The following LARGE1 variants were observed in gnomAD, a reference collection of about 807,000 sequenced individuals.
LARGE1 encodes the protein xylosyl- and glucuronyltransferase LARGE1.
A neutral mutation model predicts 87.6 loss-of-function variants in LARGE1; 43 were observed. That is an observed-to-expected ratio of 0.49 (90% CI 0.38 to 0.63). LARGE1 has a LOEUF of 0.63. LARGE1 is among the 30% of genes least tolerant of loss of function. LARGE1 has a pLI of 0.00. For missense variants in LARGE1, 802 were observed against 1,000.2 expected (o/e 0.80, Z 2.67); for synonymous variants, 434 against 394.6 (o/e 1.10, Z -1.18).
intron 1 of LARGE1, among the ~76,000 whole-genome samples, chr22:33,782,811 GCCAACAT>G (rs2085465951): frequency 6.7e-6 from 1 of 150,362 alleles, no homozygotes; most frequent in African/African-American, 2.5e-5. Flanking sequence ...GTTGCAGTGA[GCCAACAT>G]CACGCCACTG....
Position 33,732,548 on chromosome 22 carries a change from C to G in LARGE1, c.106+28823G>C, listed in dbSNP as rs371023653. On this transcript the variant is annotated intron_variant, in intron 2 of 14. Coordinates refer to ENST00000397394, the MANE Select transcript of LARGE1 (RefSeq NM_133642.5). ...TGACAGAGAATATGAGGCCTCCTCT[C>G]CAAACAGAAACTCCAGGACGCTTGG... 6.6e-5 allele frequency: 10 copies of G among 152,468 alleles called. No individual in the cohort carries two copies. In the South Asian group the frequency reaches 1.2e-3, roughly 19 times the overall value. The allele number at this position is 152,468 out of a possible 1,614,324, so 9.4% of individuals were successfully genotyped here. A position where few individuals can be genotyped will look rare whatever the true frequency, so the allele number is the denominator to read the frequency against.
chr22:33,165,062 A>C (rs1370733245), exon 12 of LARGE1: 1 of 152,176 alleles, frequency 6.6e-6, no homozygotes, highest in Non-Finnish European at 1.5e-5. Flanking sequence ...TCACTACCTG[A>C]GTGACGGGAC....
At chr22:33,619,055 A>G (rs1398579711) in intron 4 of LARGE1, among the ~76,000 whole-genome samples, 1 of 152,110 alleles carries the variant, frequency 6.6e-6, no homozygotes, top group Non-Finnish European at 1.5e-5. Flanking sequence ...ACCACCCCGC[A>G]TCCTCTCCCC....
intron 6 of LARGE1, among the ~76,000 whole-genome samples, chr22:33,527,647 C>G (rs972248588): frequency 2.6e-5 from 4 of 152,162 alleles, no homozygotes; most frequent in Non-Finnish European, 4.4e-5. Flanking sequence ...CTCCTCTACA[C>G]CCTCTTTAGA....
Position 33,789,823 on chromosome 22 carries a change from T to C in LARGE1, c.-82-28265A>G, listed in dbSNP as rs1369755554. ...TTTTTACCCAAGCCCTGTACTCCCATTGTATCTAGGAAGTAACTAACTTGC... is the reference window on the plus strand; with the variant it reads ...TTTTTACCCAAGCCCTGTACTCCCACTGTATCTAGGAAGTAACTAACTTGC... On this transcript the variant is annotated intron_variant, in intron 1 of 14. Coordinates refer to ENST00000397394, the MANE Select transcript of LARGE1 (RefSeq NM_133642.5). Among the ~76,000 whole-genome samples, 4 of 152,208 alleles carry C rather than the reference T, an allele frequency of 2.6e-5. No individual in the cohort carries two copies. The East Asian group carries it at 7.7e-4, about 29-fold the overall frequency.
At chr22:33,794,243 A>C (rs138201512) in intron 1 of LARGE1, among the ~76,000 whole-genome samples, 24 of 152,142 alleles carry the variant, frequency 1.6e-4, no homozygotes, top group Non-Finnish European at 3.4e-4. Flanking sequence ...TCTTTTCCCA[A>C]ACACTAGACC....
At chr22:33,603,376 A>G (rs1408143866) in intron 5 of LARGE1, among the ~76,000 whole-genome samples, 5 of 152,232 alleles carry the variant, frequency 3.3e-5, no homozygotes, top group Admixed American at 3.3e-4. Context: ...AATCACAGCA[A>G]TTTGTTAAAT....
At chr22:33,751,661 T>C (rs996820862) in intron 2 of LARGE1, among the ~76,000 whole-genome samples, 1 of 152,184 alleles carries the variant, frequency 6.6e-6, no homozygotes, top group Non-Finnish European at 1.5e-5. Context: ...CTTGGTATAA[T>C]TGGAATCCTA....
chr22:33,352,920 G>A (rs1162319951), intron 9 of LARGE1, among the ~76,000 whole-genome samples: 3 of 152,190 alleles, frequency 2.0e-5, no homozygotes, highest in African/African-American at 7.2e-5. Context: ...AGGAGCTACA[G>A]ATTGAGAATA....
At chr22:33,597,489 GGA>G (rs1247088616) in intron 5 of LARGE1, among the ~76,000 whole-genome samples, 1 of 152,036 alleles carries the variant, frequency 6.6e-6, no homozygotes, top group African/African-American at 2.4e-5. Flanking sequence ...GCAGGGGGCT[GGA>G]AGATTACAGT....
At chr22:33,098,735 C>T in the LARGE1 span, among the ~76,000 whole-genome samples, 6 of 152,188 alleles carry the variant, frequency 3.9e-5, no homozygotes, top group Non-Finnish European at 8.8e-5. Context: ...CTAGAGCTGG[C>T]GTTCTCTAAC....
intron 8 of LARGE1, among the ~76,000 whole-genome samples, chr22:33,383,439 AATC>A (rs2065223696): frequency 2.0e-5 from 3 of 152,080 alleles, no homozygotes; most frequent in Non-Finnish European, 2.9e-5. Flanking sequence ...GCACGCCTGT[AATC>A]CTAGCGACTT....
the LARGE1 span, among the ~76,000 whole-genome samples, chr22:33,079,507 G>T: frequency 2.6e-5 from 4 of 152,110 alleles, no homozygotes; most frequent in African/African-American, 9.6e-5. Flanking sequence ...GATTGCAGGC[G>T]TGAGCCACCA....
Position 33,274,621 on chromosome 22 carries a change from ACT to A in LARGE1, c.2075_2076del (p.Glu692ValfsTer2). Reference protein sequence around the residue: ...VAHIMELDVQEYEFIVLPNAY... With the variant: ...VAHIMELDVQXYEFIVLPNAY... ...GCGTTGGGCAGCACAATGAACTCAT[ACT>A]CCTGGAAGAAGACAAGAGCAGCGTG... On this transcript the variant is annotated frameshift_variant and splice_region_variant, in exon 15 of 15. Transcript: ENST00000397394. LOFTEE classifies it high-confidence loss of function. 1 of 1,613,938 alleles carries A rather than the reference ACT, an allele frequency of 6.2e-7. No individual in the cohort carries two copies. Among genetic ancestry groups the A allele is most frequent in the Non-Finnish European group, 8.5e-7 (1 of 1,179,952 alleles).
chr22:33,249,783 A>G (rs375681195), intron 11 of LARGE1, among the ~76,000 whole-genome samples: 3 of 152,140 alleles, frequency 2.0e-5, no homozygotes, highest in East Asian at 3.8e-4. Context: ...AGTAACATTT[A>G]TTGAAAAGAC....
intron 7 of LARGE1, among the ~76,000 whole-genome samples, chr22:33,391,477 A>T (rs1459164638): frequency 6.6e-6 from 1 of 152,126 alleles, no homozygotes; most frequent in Non-Finnish European, 1.5e-5. Context: ...CTGAAACTTA[A>T]GGATAAAAAA....
chr22:33,741,080 T>C (rs1015676251), intron 2 of LARGE1, among the ~76,000 whole-genome samples: 1 of 152,218 alleles, frequency 6.6e-6, no homozygotes, highest in African/African-American at 2.4e-5. Context: ...GCTACTAGTT[T>C]GGGATTCATA....
At position 33,604,361 on chromosome 22, in the gene LARGE1, C is replaced by T. The variant is rs1025502603; in HGVS notation, c.615+74G>A. 14 of 1,593,644 alleles carry T rather than the reference C, an allele frequency of 8.8e-6. No homozygotes were observed. The Admixed American group carries it at 1.3e-4, about 15-fold the overall frequency. On this transcript the variant is annotated intron_variant, in intron 5 of 14. Transcript: ENST00000397394. ...GGAGCTGAGATTTCTGGCATTGCTA[C>T]AGTCTGCTCAACCACAAGTAATAAC...
intron 11 of LARGE1, among the ~76,000 whole-genome samples, chr22:33,241,496 A>C (rs1926510523): frequency 6.6e-6 from 1 of 152,004 alleles, no homozygotes; most frequent in African/African-American, 2.4e-5. Context: ...ATATGTATTA[A>C]GTGAATGGAT....
Sources: allele counts gnomAD v4.1 joint callset (sites outside exome capture counted in the v4.1 genomes callset), GRCh38; gene constraint gnomAD v4.1.1; transcripts MANE v1.5; gene names NCBI Gene and HGNC (gene_info 2026-07-23, HGNC 2026-07-21).